Variants in PPARGC1B observed in about 807,000 individuals in gnomAD.
PPARGC1B encodes PPARG coactivator 1 beta.
Under a neutral mutation model 101.6 loss-of-function variants are expected in PPARGC1B, and 34 were observed. That is an observed-to-expected ratio of 0.33 (90% CI 0.25 to 0.45). The LOEUF (loss-of-function observed/expected upper bound fraction) is 0.45. Among genes scored for constraint, PPARGC1B ranks in the 20% least tolerant of loss-of-function variants. The probability of loss-of-function intolerance (pLI) is 1.00; values close to 1 mark genes in which losing one functional copy is unlikely to be tolerated. For missense variants in PPARGC1B, 1,234 were observed against 1,317.6 expected, an observed-to-expected ratio of 0.94 and a Z score of 0.98; for synonymous variants, 548 against 539.3, an observed-to-expected ratio of 1.02 and a Z score of -0.22.
chr5:149,745,841 C>T (rs1474826850), intron 1 of PPARGC1B, among the ~76,000 whole-genome samples: 6 of 152,086 alleles, frequency 3.9e-5, no homozygotes, highest in Non-Finnish European at 8.8e-5. Context: ...AATCCCACAC[C>T]CACTTATGGG....
rs78338373 is a variant in PPARGC1B, at chr5:149,832,381, G to A, written c.583-275G>A. On this transcript the variant is annotated intron_variant, in intron 4 of 11. Transcript: ENST00000309241. The surrounding 1 kb of genome is among the most constrained non-coding windows in gnomAD (Gnocchi z 4.9). ...ACGGAGCAGGGAGGCGGAATGGTCA[G>A]AGTGGGGCTTTGTCAGTGAATCTGG... is the stretch of plus-strand genomic sequence containing the variant. 0.016 allele frequency among the ~76,000 whole-genome samples: 2,508 copies of A among 152,276 alleles called. 29 individuals carry two copies. The highest frequency in any genetic ancestry group is 0.025 in the Non-Finnish European group (1,702 of 68,014).
chr5:149,797,693 G>T (rs1288483341), intron 1 of PPARGC1B, among the ~76,000 whole-genome samples: 1 of 152,196 alleles, frequency 6.6e-6, no homozygotes, highest in Non-Finnish European at 1.5e-5. Context: ...GGCCGAGGCG[G>T]GTGAATCACT....
At chr5:149,764,846 G>A (rs1271053481) in intron 1 of PPARGC1B, among the ~76,000 whole-genome samples, 1 of 152,242 alleles carries the variant, frequency 6.6e-6, no homozygotes, top group Admixed American at 6.5e-5. Context: ...AAACCATACT[G>A]TTTAAGACCT....
At position 149,853,726 on chromosome 5, in the gene PPARGC1B, A is replaced by G. The variant is rs1759854754; in HGVS notation, c.*6168A>G. On this transcript the variant is annotated 3_prime_UTR_variant, in exon 12 of 12. Coordinates refer to ENST00000309241, the MANE Select transcript of PPARGC1B (RefSeq NM_133263.4). The surrounding 1 kb of genome is among the most constrained non-coding windows in gnomAD (Gnocchi z 4.2). ...TGTTAGGAATAAAAAGTCATAAACT[A>G]TTCCCAACTTTGTTTCTTGAGGGAT... 6.6e-6 allele frequency: 1 copy of G among 152,230 alleles called. No homozygotes were observed. Among genetic ancestry groups the G allele is most frequent in the African/African-American group, 2.4e-5 (1 of 41,458 alleles). The allele number at this position is 152,230 out of a possible 1,614,324, so 9.4% of individuals were successfully genotyped here.
At chr5:149,830,956 T>C in intron 4 of PPARGC1B, 73 bp downstream of exon 4, 2 of 1,049,772 alleles carry the variant, frequency 1.9e-6, no homozygotes, top group South Asian at 1.3e-5. Flanking sequence ...TGGTGGAGGA[T>C]AGCGAGTTCA....
Position 149,833,007 on chromosome 5 carries a change from C to T in PPARGC1B, c.934C>T (p.Leu312Phe). Residue 312 changes from leucine (L) to phenylalanine (F), a missense_variant, in exon 5 of 12, where the codon CTC becomes TTC. Physicochemically the swap from Leu to Phe is conservative, Grantham distance 22. This residue lies in a region of PPARGC1B where 734 missense variants were observed against 768.4 expected (regional missense o/e 0.96). Transcript: ENST00000309241. This position sits in a 1 kb window ranked among gnomAD's most constrained non-coding sequence, Gnocchi z 4.1. ...GCTGCCCCCACAGACCCCTGAGCCA[C>T]TCCCCAAGGCCTGCAGCAACCCCTC... ...RKLPPQTPEP[L>F]PKACSNPSQQ... 1 of 1,613,670 alleles carries T rather than the reference C, an allele frequency of 6.2e-7. No homozygotes were observed. Among genetic ancestry groups the T allele is most frequent in the South Asian group, 1.1e-5 (1 of 91,082 alleles).
chr5:149,821,622 G>A (rs549134272), intron 2 of PPARGC1B, among the ~76,000 whole-genome samples: 11 of 152,292 alleles, frequency 7.2e-5, no homozygotes, highest in East Asian at 1.9e-4. Flanking sequence ...ATAACATCGC[G>A]TGTGCTGAAC....
intron 1 of PPARGC1B, among the ~76,000 whole-genome samples, chr5:149,764,261 G>C (rs185593537): frequency 2.3e-4 from 35 of 152,330 alleles, no homozygotes; most frequent in Middle Eastern, 3.4e-3. Context: ...AGGCAGGGCT[G>C]GGCCATGTGT....
intron 1 of PPARGC1B, among the ~76,000 whole-genome samples, chr5:149,775,751 A>C (rs902726374): frequency 5.3e-5 from 8 of 152,180 alleles, no homozygotes; most frequent in African/African-American, 1.9e-4. Context: ...GCCAGGAAGC[A>C]CTCAGGGATC....
At position 149,830,901 on chromosome 5, in the gene PPARGC1B, C is replaced by G. The variant is rs1456416472; in HGVS notation, c.582+18C>G. 1.6e-5 allele frequency: 25 copies of G among 1,528,482 alleles called. No individual in the cohort carries two copies. The highest frequency in any genetic ancestry group is 2.2e-5 in the Non-Finnish European group (24 of 1,101,920). The allele number at this position is 1,528,482 out of a possible 1,614,324, so 94.7% of individuals were successfully genotyped here. The stretch of plus-strand genomic sequence containing the variant: ...GTGTTAAGGTATTTCTTCACATGCC[C>G]CCAAATCTACCCCAGGTGTCTGTTG... On this transcript the variant is annotated intron_variant, in intron 4 of 11. Transcript: ENST00000309241.
At chr5:149,754,729 A>G (rs900657463) in intron 1 of PPARGC1B, among the ~76,000 whole-genome samples, 11 of 148,130 alleles carry the variant, frequency 7.4e-5, no homozygotes, top group African/African-American at 2.7e-4. Flanking sequence ...TGCTATATAT[A>G]GTAGGAGCCA....
At position 149,736,142 on chromosome 5, in the gene PPARGC1B, C is replaced by CA. The variant is rs1256147925; in HGVS notation, c.78+5729dup. 9.2e-5 allele frequency among the ~76,000 whole-genome samples: 14 copies of CA among 151,718 alleles called. No homozygotes were observed. In the East Asian group the frequency reaches 1.5e-3, roughly 17 times the overall value. On this transcript the variant is annotated intron_variant, in intron 1 of 11. Coordinates refer to ENST00000309241, the MANE Select transcript of PPARGC1B (RefSeq NM_133263.4). ...AGGCAACAGAGTGAGACTCCATCTC[C>CA]AAAAAAACAAAAAAGAAAGAATGCA...
At position 149,847,649 on chromosome 5, in the gene PPARGC1B, A is replaced by AGAGC. The variant is rs1357293781; in HGVS notation, c.*101_*104dup. ...TTTCAAAGAAATCAAGTATATGAGG[A>AGAGC]GAGCGAGCGAGCGTGAGAGAACACC... On this transcript the variant is annotated 3_prime_UTR_variant, in exon 12 of 12. Transcript: ENST00000309241. 1.7e-5 allele frequency: 16 copies of AGAGC among 961,322 alleles called. No individual in the cohort carries two copies. The highest frequency in any genetic ancestry group is 1.2e-4 in the South Asian group (8 of 67,018). 59.5% of individuals were successfully genotyped at this position (961,322 alleles called of 1,614,324 possible). A position where few individuals can be genotyped will look rare whatever the true frequency, so the allele number is the denominator to read the frequency against.
intron 1 of PPARGC1B, among the ~76,000 whole-genome samples, chr5:149,795,455 C>T (rs60561802): frequency 0.024 from 3,599 of 152,250 alleles, 137 homozygotes; most frequent in African/African-American, 0.08. Flanking sequence ...AAATCCCAGA[C>T]GTCTAGTCTC....
intron 1 of PPARGC1B, among the ~76,000 whole-genome samples, chr5:149,741,125 C>T (rs377682503): frequency 2.6e-5 from 4 of 152,260 alleles, no homozygotes; most frequent in African/African-American, 9.6e-5. Flanking sequence ...CCCTGCTTGG[C>T]TGAGAGATGG....
In PPARGC1B at chr5:149,854,156, C is replaced by G. The variant is rs978158185; in HGVS notation, c.*6598C>G. 1 of 152,152 alleles carries G rather than the reference C, an allele frequency of 6.6e-6. No individual in the cohort carries two copies. The highest frequency in any genetic ancestry group is 2.4e-5 in the African/African-American group (1 of 41,426). 9.4% of individuals were successfully genotyped at this position (152,152 alleles called of 1,614,324 possible). ...ACCACACAGCCTAGAGAATTCTGAG[C>G]AATAGGAGCCAGGGCTTTCCCTGAC... On this transcript the variant is annotated 3_prime_UTR_variant, in exon 12 of 12. Coordinates refer to ENST00000309241, the MANE Select transcript of PPARGC1B (RefSeq NM_133263.4).
chr5:149,824,772 C>T (rs549843426), intron 2 of PPARGC1B, among the ~76,000 whole-genome samples: 25 of 152,260 alleles, frequency 1.6e-4, no homozygotes, highest in African/African-American at 5.5e-4. Flanking sequence ...CCAGAGTCCT[C>T]GGACCCTGAT....
intron 2 of PPARGC1B, among the ~76,000 whole-genome samples, chr5:149,824,984 G>A (rs575135501): frequency 2.6e-5 from 4 of 152,368 alleles, no homozygotes; most frequent in South Asian, 2.1e-4. Context: ...GTCACGAGAC[G>A]TGTATTTCAG....
Position 149,832,823 on chromosome 5 carries a change from G to C in PPARGC1B, c.750G>C (p.Pro250=), listed in dbSNP as rs1330826024. 1 of 1,610,868 alleles carries C rather than the reference G, an allele frequency of 6.2e-7. No individual in the cohort carries two copies. Among genetic ancestry groups the C allele is most frequent in the Admixed American group, 1.7e-5 (1 of 59,884 alleles). Residue 250 remains proline (P), a synonymous_variant, in exon 5 of 12, where the codon CCG becomes CCC. Transcript: ENST00000309241. The surrounding 1 kb of genome is among the most constrained non-coding windows in gnomAD (Gnocchi z 4.9). ...PRLPAKEDKE[P]GEDCPSPQPA... is the part of the protein sequence containing the mutation. ...TCCCTGCCAAGGAGGACAAGGAGCC[G>C]GGTGAGGACTGCCCGAGCCCCCAGC...
Sources: allele counts gnomAD v4.1 joint callset (sites outside exome capture counted in the v4.1 genomes callset), GRCh38; gene constraint gnomAD v4.1.1; regional missense constraint gnomAD v4.1.1; non-coding constraint Gnocchi (gnomAD v3.1); transcripts MANE v1.5; gene names NCBI Gene and HGNC (gene_info 2026-07-23, HGNC 2026-07-21).